The following CCDC171 variants were observed in gnomAD, a reference collection of about 807,000 sequenced individuals.
CCDC171 encodes coiled-coil domain containing 171.
Under a neutral mutation model 168.2 loss-of-function variants are expected in CCDC171, and 177 were observed. The observed-to-expected ratio is 1.05, with a 90% CI of 0.93 to 1.19. The LOEUF is 1.19. CCDC171 is among the 50% of genes most tolerant of loss of function. The pLI, the probability that CCDC171 is intolerant of heterozygous loss-of-function variation, is 0.00. For synonymous variants in CCDC171, 687 were observed against 540.8 expected (o/e 1.27, Z -3.75); for missense variants, 1,991 against 1,539.0 (o/e 1.29, Z -4.91).
At chr9:15,893,847 C>T (rs1197802387) in intron 24 of CCDC171, among the ~76,000 whole-genome samples, 1 of 152,140 alleles carries the variant, frequency 6.6e-6, no homozygotes, top group Non-Finnish European at 1.5e-5. Flanking sequence ...TAAGTTCAAC[C>T]ACTGTGGAAG....
chr9:15,575,157 C>CTTTT (rs57272096), intron 3 of CCDC171, among the ~76,000 whole-genome samples: 1 of 86,872 alleles, frequency 1.2e-5, no homozygotes, highest in Non-Finnish European at 2.2e-5. Context: ...GACATAACTA[C>CTTTT]TTTTTTTTTT....
At chr9:15,813,159 G>A (rs1172891904) in intron 21 of CCDC171, among the ~76,000 whole-genome samples, 2 of 152,184 alleles carry the variant, frequency 1.3e-5, no homozygotes, top group Non-Finnish European at 2.9e-5. Context: ...GTGTGATTGA[G>A]TTTTGGCTAA....
chr9:15,707,476 A>G (rs2052335831), intron 11 of CCDC171, among the ~76,000 whole-genome samples: 1 of 152,212 alleles, frequency 6.6e-6, no homozygotes, highest in African/African-American at 2.4e-5. Context: ...ATAAAGTGAG[A>G]CTATGCCATT....
At chr9:15,914,128 C>T (rs183221643) in intron 24 of CCDC171, among the ~76,000 whole-genome samples, 60 of 152,294 alleles carry the variant, frequency 3.9e-4, no homozygotes, top group African/African-American at 1.4e-3. Context: ...GGGTCAGGGA[C>T]CCCCTTGAGG....
chr9:15,920,220 T>C (rs767179274), intron 24 of CCDC171, 50 bp from the exon 25 acceptor site: 1 of 1,186,938 alleles, frequency 8.4e-7, no homozygotes, highest in Non-Finnish European at 1.1e-6. Context: ...AATTCTCCTT[T>C]GGGGACATAT....
chr9:16,035,467 G>A (rs372162701), exon 7 of CCDC171: 43 of 152,216 alleles, frequency 2.8e-4, no homozygotes, highest in African/African-American at 8.2e-4. Flanking sequence ...GATCTGTGGC[G>A]AATGTCACCA....
At chr9:15,732,086 G>A (rs2054186934) in intron 16 of CCDC171, among the ~76,000 whole-genome samples, 1 of 151,806 alleles carries the variant, frequency 6.6e-6, no homozygotes. Flanking sequence ...ACATATCCTG[G>A]ATACATATCC....
chr9:15,971,669 A>G lies in CCDC171; in HGVS notation c.3814A>G (p.Thr1272Ala). ...TTCAAGAGCTCCTCTTCCTGCTGAC[A>G]CAACTGGTATTGGGGATTTCTTACC... Reference protein sequence around the residue: ...IPSRAPLPADTTGIGDFLPLK... With the variant: ...IPSRAPLPADATGIGDFLPLK... The change falls in exon 26 of 26, where the codon ACA becomes GCA. Residue 1272 changes from threonine (T) to alanine (A), a missense_variant. By Grantham distance (58) the Thr-to-Ala change is moderately conservative (BLOSUM62 0). Coordinates refer to ENST00000380701, the MANE Select transcript of CCDC171 (RefSeq NM_173550.4). The G allele has an allele frequency of 6.2e-7, 1 of 1,613,904 alleles. No individual in the cohort carries two copies. Among genetic ancestry groups the G allele is most frequent in the South Asian group, 1.1e-5 (1 of 91,074 alleles).
chr9:15,906,584 C>T (rs1822654289), intron 24 of CCDC171, among the ~76,000 whole-genome samples: 1 of 152,152 alleles, frequency 6.6e-6, no homozygotes, highest in African/African-American at 2.4e-5. Flanking sequence ...TGGGCAAAAA[C>T]TGGAAGCATT....
chr9:15,912,705 AT>A (rs1443583000), intron 24 of CCDC171, among the ~76,000 whole-genome samples: 10 of 152,196 alleles, frequency 6.6e-5, no homozygotes, highest in Non-Finnish European at 1.5e-4. Flanking sequence ...ATTTTGAGAT[AT>A]GTTCCATCAG....
chr9:16,077,742 G>A, the CCDC171 span, among the ~76,000 whole-genome samples: 1 of 152,134 alleles, frequency 6.6e-6, no homozygotes, highest in Non-Finnish European at 1.5e-5. Flanking sequence ...GATTGTTTTT[G>A]TGTGTGGTTG....
intron 6 of CCDC171, among the ~76,000 whole-genome samples, chr9:16,026,382 C>A (rs1157603824): frequency 6.6e-6 from 1 of 152,134 alleles, no homozygotes; most frequent in African/African-American, 2.4e-5. Flanking sequence ...CCTGGAGTCC[C>A]TGGATTTGGG....
chr9:15,972,169 T>A lies in CCDC171; in HGVS notation c.*333T>A, dbSNP rs1831421646. Reference sequence around the variant, plus strand: ...TCTATCTATCAAAGTTGTTTCATACTTGTCTATTTTAAAGCAGGACTGCAA... The same window carrying A: ...TCTATCTATCAAAGTTGTTTCATACATGTCTATTTTAAAGCAGGACTGCAA... On this transcript the variant is annotated 3_prime_UTR_variant, in exon 26 of 26. Coordinates refer to ENST00000380701, the MANE Select transcript of CCDC171 (RefSeq NM_173550.4). The A allele has an allele frequency of 5.0e-5, 13 of 261,944 alleles. 1 individual carries two copies. In the South Asian group the frequency reaches 7.8e-4, roughly 16 times the overall value. The allele number at this position is 261,944 out of a possible 1,614,324, so 16.2% of individuals were successfully genotyped here. A position where few individuals can be genotyped will look rare whatever the true frequency, so the allele number is the denominator to read the frequency against.
At chr9:16,026,485 G>A (rs553796698) in intron 6 of CCDC171, among the ~76,000 whole-genome samples, 13 of 152,102 alleles carry the variant, frequency 8.5e-5, no homozygotes, top group Non-Finnish European at 1.9e-4. Context: ...TTGTTGCCCT[G>A]CGTCTCCACC....
At chr9:15,754,021 A>T (rs1439242535) in intron 18 of CCDC171, among the ~76,000 whole-genome samples, 1 of 152,098 alleles carries the variant, frequency 6.6e-6, no homozygotes, top group Admixed American at 6.5e-5. Context: ...ATGTGTTTTC[A>T]TTTTAAGTTA....
chr9:15,797,086 T>A (rs1243350908), intron 21 of CCDC171, among the ~76,000 whole-genome samples: 1 of 152,176 alleles, frequency 6.6e-6, no homozygotes, highest in Non-Finnish European at 1.5e-5. Flanking sequence ...TTATAATGGG[T>A]GTATATGGTA....
At chr9:15,979,890 A>C (rs568442249) in intron 3 of CCDC171, among the ~76,000 whole-genome samples, 1 of 151,664 alleles carries the variant, frequency 6.6e-6, no homozygotes, top group South Asian at 2.1e-4. Context: ...AGAATTTATT[A>C]GTGAATTCAT....
rs1331993885 is a variant in CCDC171 at position 15,973,205 on chromosome 9, A to C, written c.*1369A>C. The C allele has an allele frequency of 6.6e-6, 1 of 152,336 alleles. No individual in the cohort carries two copies. Among genetic ancestry groups the C allele is most frequent in the Admixed American group, 6.5e-5 (1 of 15,286 alleles). The allele number at this position is 152,336 out of a possible 1,614,324, so 9.4% of individuals were successfully genotyped here. ...GTGCTATTAACTTCTGATGTGAACT[A>C]TAGCTTTTGACAAAGAGTCTTGATA... On this transcript the variant is annotated 3_prime_UTR_variant, in exon 26 of 26. Transcript: ENST00000380701.
At chr9:15,748,519 C>T (rs570133455) in intron 18 of CCDC171, among the ~76,000 whole-genome samples, 4 of 151,970 alleles carry the variant, frequency 2.6e-5, no homozygotes, top group African/African-American at 7.3e-5. Flanking sequence ...GACACATAAT[C>T]GATAGATTCA....
Sources: allele counts gnomAD v4.1 joint callset (sites outside exome capture counted in the v4.1 genomes callset), GRCh38; gene constraint gnomAD v4.1.1; transcripts MANE v1.5; gene names NCBI Gene and HGNC (gene_info 2026-07-23, HGNC 2026-07-21).